The following EXOC6 variants were observed in gnomAD, a reference collection of about 807,000 sequenced individuals.
The protein encoded by EXOC6 is exocyst complex component 6.
EXOC6 carries 60 observed loss-of-function variants against 112.5 expected under a neutral mutation model. That is an observed-to-expected ratio of 0.53 (90% CI 0.43 to 0.66). The LOEUF is 0.66. EXOC6 is among the 30% of genes least tolerant of loss of function. The probability of loss-of-function intolerance (pLI) is 0.00; values close to 1 mark genes in which losing one functional copy is unlikely to be tolerated. For synonymous variants in EXOC6, 295 were observed against 308.0 expected (o/e 0.96, Z 0.44); for missense variants, 855 against 957.1 (o/e 0.89, Z 1.41).
intron 8 of EXOC6, among the ~76,000 whole-genome samples, chr10:92,922,843 A>G (rs936042657): frequency 6.6e-6 from 1 of 152,170 alleles, no homozygotes; most frequent in African/African-American, 2.4e-5. Context: ...TGAATACCAA[A>G]TATAGTGTGC....
chr10:92,959,952 A>G (rs1853895271), intron 17 of EXOC6, among the ~76,000 whole-genome samples: 2 of 152,324 alleles, frequency 1.3e-5, no homozygotes, highest in South Asian at 4.1e-4. Context: ...ACCATTTGGC[A>G]GCTTCTTAGA....
intron 20 of EXOC6, among the ~76,000 whole-genome samples, chr10:93,048,682 G>A (rs1846122817): frequency 6.6e-6 from 1 of 150,508 alleles, no homozygotes; most frequent in Non-Finnish European, 1.5e-5. Flanking sequence ...CTTGAGCCCA[G>A]GAGGCAGAGG....
rs34863592 is a variant in EXOC6 at position 92,944,245 on chromosome 10, AT to A, written c.1310+3429del. 2.7e-5 allele frequency among the ~76,000 whole-genome samples: 4 copies of A among 150,536 alleles called. No homozygotes were observed. In the South Asian group the frequency reaches 8.4e-4, roughly 32 times the overall value. On this transcript the variant is annotated intron_variant, in intron 13 of 21. Coordinates refer to ENST00000260762, the MANE Select transcript of EXOC6 (RefSeq NM_019053.6). ...CGATCTTTTTTTTTTAATTTTTATT[AT>A]TTTTTTTGAGACAGAGTCTTTGCTC...
At chr10:92,859,743 A>G (rs1006895597) in intron 1 of EXOC6, among the ~76,000 whole-genome samples, 2 of 151,726 alleles carry the variant, frequency 1.3e-5, no homozygotes, top group Admixed American at 1.3e-4. Context: ...CTGAGTTTTT[A>G]CCTTAACCTG....
intron 20 of EXOC6, 150 bp downstream of exon 20, chr10:93,014,417 A>C: frequency 3.1e-6 from 2 of 642,864 alleles, no homozygotes; most frequent in Non-Finnish European, 5.6e-6. Context: ...TGTATTTGGC[A>C]CATCTCTTTG....
At chr10:92,940,590 CT>C (rs1052109222) in intron 12 of EXOC6, 136 bp from the exon 13 acceptor site, 6 of 608,200 alleles carry the variant, frequency 9.9e-6, no homozygotes, top group East Asian at 2.8e-5. Context: ...CAAAATGTAT[CT>C]TTTTTTTCTT....
At chr10:92,858,063 C>G (rs903328376) in intron 1 of EXOC6, among the ~76,000 whole-genome samples, 2 of 137,926 alleles carry the variant, frequency 1.5e-5, no homozygotes, top group Non-Finnish European at 3.0e-5. Flanking sequence ...TGTCTTTCCA[C>G]TGCCTCTGGG....
chr10:92,858,021 T>TC (rs1219745720), intron 1 of EXOC6, among the ~76,000 whole-genome samples: 1 of 108,414 alleles, frequency 9.2e-6, no homozygotes. Context: ...AGTTGACGGG[T>TC]TCCCCCCCTC....
At chr10:92,966,500 A>C (rs1023631243) in intron 17 of EXOC6, among the ~76,000 whole-genome samples, 4 of 133,134 alleles carry the variant, frequency 3.0e-5, no homozygotes, top group African/African-American at 5.7e-5. Flanking sequence ...ATGTGTTCTC[A>C]TTGTTCAATT....
chr10:92,828,849 G>C (rs757238298), intron 1 of EXOC6, among the ~76,000 whole-genome samples: 1 of 151,768 alleles, frequency 6.6e-6, no homozygotes, highest in African/African-American at 2.4e-5. Flanking sequence ...TATTTGCCAG[G>C]GGTGGGCCAC....
At chr10:92,840,087 A>G (rs746988615) in intron 1 of EXOC6, among the ~76,000 whole-genome samples, 3 of 151,710 alleles carry the variant, frequency 2.0e-5, no homozygotes, top group South Asian at 2.1e-4. Context: ...GTTTTTAGGA[A>G]TAAAGATAAC....
At chr10:93,037,987 C>CCGAGAT (rs1305236563) in intron 20 of EXOC6, among the ~76,000 whole-genome samples, 1 of 146,702 alleles carries the variant, frequency 6.8e-6, no homozygotes, top group Non-Finnish European at 1.5e-5. Flanking sequence ...TTGCAGTGAG[C>CCGAGAT]CGAGATCGCG....
At chr10:92,919,292 C>T (rs1851294658) in intron 7 of EXOC6, among the ~76,000 whole-genome samples, 1 of 148,104 alleles carries the variant, frequency 6.8e-6, no homozygotes, top group Non-Finnish European at 1.5e-5. Context: ...TATCATTTTC[C>T]CTAATAAGCA....
At chr10:92,841,799 A>G (rs766804714) in intron 1 of EXOC6, among the ~76,000 whole-genome samples, 32 of 152,238 alleles carry the variant, frequency 2.1e-4, no homozygotes, top group Non-Finnish European at 3.8e-4. Context: ...TTCTGCCTTT[A>G]TAATTACTAA....
intron 20 of EXOC6, among the ~76,000 whole-genome samples, chr10:93,050,750 A>ACT (rs1328031752): frequency 7.0e-6 from 1 of 142,002 alleles, no homozygotes; most frequent in Non-Finnish European, 1.5e-5. Context: ...ACAAAGCGAG[A>ACT]CTCCGTCTCA....
intron 5 of EXOC6, among the ~76,000 whole-genome samples, chr10:92,908,618 G>C (rs1850573707): frequency 6.6e-6 from 1 of 152,020 alleles, no homozygotes; most frequent in South Asian, 2.1e-4. Context: ...TGGTTTCTTG[G>C]CTAAATTATA....
At chr10:92,902,693 C>G (rs1032839983) in intron 5 of EXOC6, among the ~76,000 whole-genome samples, 2 of 152,130 alleles carry the variant, frequency 1.3e-5, no homozygotes, top group African/African-American at 4.8e-5. Flanking sequence ...TATACTTCCT[C>G]ACAGTCACTG....
At chr10:92,905,057 G>A (rs57118208) in intron 5 of EXOC6, among the ~76,000 whole-genome samples, 14 of 152,056 alleles carry the variant, frequency 9.2e-5, no homozygotes, top group African/African-American at 3.1e-4. Context: ...TTTAAAGAAC[G>A]ACTCTTTTTC....
chr10:93,005,582 A>G (rs1245693782), intron 19 of EXOC6, among the ~76,000 whole-genome samples: 1 of 152,210 alleles, frequency 6.6e-6, no homozygotes, highest in Non-Finnish European at 1.5e-5. Flanking sequence ...TCCTGTTACT[A>G]AGAAAATACA....
Sources: gnomAD v4.1 joint callset for allele counts (sites outside exome capture counted in the v4.1 genomes callset) on GRCh38, gnomAD v4.1.1 for gene constraint, MANE v1.5 for transcripts, NCBI Gene and HGNC (gene_info 2026-07-23, HGNC 2026-07-21) for gene names.